Variants in ARFGAP2 observed in about 807,000 individuals in gnomAD.
ARFGAP2 encodes ADP-ribosylation factor GTPase-activating protein 2.
In ARFGAP2, 45 loss-of-function variants were observed where a neutral mutation model predicts 71.9. The ratio of observed to expected loss-of-function variants is 0.63; its 90% confidence interval spans 0.49 to 0.80. ARFGAP2 has a LOEUF of 0.80. Among genes scored for constraint, ARFGAP2 ranks in the 30% least tolerant of loss-of-function variants. The pLI, the probability that ARFGAP2 is intolerant of heterozygous loss-of-function variation, is 0.00. For synonymous variants in ARFGAP2, 248 were observed against 249.2 expected (o/e 1.00, Z 0.05); for missense variants, 633 against 673.9 (o/e 0.94, Z 0.67).
rs766851974 is a variant in ARFGAP2 at position 47,172,239 on chromosome 11, C to T, written c.672+42G>A. 1.9e-6 allele frequency: 3 copies of T among 1,602,230 alleles called. No individual in the cohort carries two copies. In the Admixed American group the frequency reaches 5.0e-5, roughly 27 times the overall value. Reference sequence around the variant, plus strand: ...AGGAGTGAACCCAGGTAGCCTGCACCCAGCTCCTAACCCCTCTACCATACC... The same window carrying T: ...AGGAGTGAACCCAGGTAGCCTGCACTCAGCTCCTAACCCCTCTACCATACC... On this transcript the variant is annotated intron_variant, in intron 8 of 15. Coordinates refer to ENST00000524782, the MANE Select transcript of ARFGAP2 (RefSeq NM_032389.6).
intron 15 of ARFGAP2, 89 bp from the exon 16 acceptor site, chr11:47,165,591 C>T: frequency 7.3e-7 from 1 of 1,376,154 alleles, no homozygotes; most frequent in East Asian, 2.5e-5. Context: ...TGCCCCAGCA[C>T]CCCACAGCAA....
In ARFGAP2 at chr11:47,168,236, G is replaced by A. The variant is rs1017793859; in HGVS notation, c.957C>T (p.Ser319=). ...CAATCACCTGCATCTCAGACAGCAC[G>A]GAGTGGGAGACAGAGCTGCGCAGCA... is the stretch of plus-strand genomic sequence containing the variant. ...GLVSRSSVSH[S]VLSEMQVIEQ... Residue 319 remains serine (S), a synonymous_variant, in exon 11 of 16, where the codon TCC becomes TCT. Coordinates refer to ENST00000524782, the MANE Select transcript of ARFGAP2 (RefSeq NM_032389.6). 3.1e-6 allele frequency: 5 copies of A among 1,614,182 alleles called. No individual in the cohort carries two copies. The highest frequency in any genetic ancestry group is 1.1e-5 in the South Asian group (1 of 91,068).
In ARFGAP2 at chr11:47,168,004, G is replaced by A; in HGVS notation, c.1110C>T (p.Gly370=). The change falls in exon 12 of 16, where the codon GGC becomes GGT. Residue 370 remains glycine, a synonymous_variant. Transcript: ENST00000524782. ...DNPFSLGESF[G]SRWDTDAAWG... ...AGGCAGCATCTGTATCCCAGCGGGA[G>A]CCAAAGCTTTCCCCTAAGGAAAAGG... 1.2e-6 allele frequency: 2 copies of A among 1,614,226 alleles called. No individual in the cohort carries two copies. Among genetic ancestry groups the A allele is most frequent in the South Asian group, 2.2e-5 (2 of 91,088 alleles).
intron 5 of ARFGAP2, 172 bp downstream of exon 5, chr11:47,174,843 A>G (rs900696981): frequency 1.4e-6 from 1 of 706,670 alleles, no homozygotes; most frequent in Non-Finnish European, 2.4e-6. Flanking sequence ...ACCTCCATTT[A>G]TGGAGGAGGA....
chr11:47,175,399 C>A, intron 3 of ARFGAP2, 86 bp from the exon 4 acceptor site: 1 of 1,589,082 alleles, frequency 6.3e-7, no homozygotes, highest in Non-Finnish European at 8.6e-7. Flanking sequence ...CTCCTTATGA[C>A]AGCGAAGTTA....
intron 10 of ARFGAP2, among the ~76,000 whole-genome samples, chr11:47,168,829 G>C (rs1333666383): frequency 6.6e-6 from 1 of 152,012 alleles, no homozygotes; most frequent in East Asian, 1.9e-4. Flanking sequence ...GGCTCGTGTT[G>C]TAATTTTAAT....
chr11:47,173,721 G>GGACC, intron 6 of ARFGAP2, 38 bp downstream of exon 6: 1 of 1,562,842 alleles, frequency 6.4e-7, no homozygotes, highest in East Asian at 2.4e-5. Context: ...TCCTCTCCTA[G>GGACC]GACCAGGGCA....
At chr11:47,172,238 C>T (rs773197720) in intron 8 of ARFGAP2, 43 bp downstream of exon 8, 20 of 1,601,072 alleles carry the variant, frequency 1.2e-5, no homozygotes, top group Non-Finnish European at 1.6e-5. Flanking sequence ...GTAGCCTGCA[C>T]CCAGCTCCTA....
Position 47,167,897 on chromosome 11 carries a change from A to T in ARFGAP2, c.1205+12T>A, listed in dbSNP as rs1278365012. 3 of 1,561,584 alleles carry T rather than the reference A, an allele frequency of 1.9e-6. No homozygotes were observed. The highest frequency in any genetic ancestry group is 2.8e-5 in the African/African-American group (2 of 71,688). ...AAAAAAGAAAGAAAAAAGAAAAAAC[A>T]GCCCACTCTACCTTTCTGAAATAGG... On this transcript the variant is annotated intron_variant, in intron 12 of 15. Transcript: ENST00000524782.
chr11:47,168,079 T>G, intron 11 of ARFGAP2, 36 bp from the exon 12 acceptor site: 2 of 1,614,146 alleles, frequency 1.2e-6, no homozygotes, highest in Non-Finnish European at 1.7e-6. Flanking sequence ...AGAAGCCTGA[T>G]GAGGAACACA....
rs1230389234 is a variant in ARFGAP2 at position 47,175,095 on chromosome 11, A to G, written c.400T>C (p.Trp134Arg). 6.2e-7 allele frequency: 1 copy of G among 1,614,056 alleles called. No individual in the cohort carries two copies. The highest frequency in any genetic ancestry group is 1.3e-5 in the African/African-American group (1 of 74,904). Residue 134 changes from tryptophan (W) to arginine (R), a missense_variant, in exon 5 of 16, where the codon TGG becomes CGG. Transcript: ENST00000524782. ...AALARHGTDL[W>R]IDNMSSAVPN... The stretch of plus-strand genomic sequence containing the variant: ...ACGGCACTACTCATGTTGTCTATCC[A>G]AAGCTAGAAAGGAGAAGACACCCCT...
At position 47,174,746 on chromosome 11, in the gene ARFGAP2, C is replaced by T. The variant is rs890182086; in HGVS notation, c.480+269G>A. ...ATCCAGGAAAATTTGTTTGGGGCACCGGACACCTCTTGAAACTTCAAGAAG... is the reference window on the plus strand; with the variant it reads ...ATCCAGGAAAATTTGTTTGGGGCACTGGACACCTCTTGAAACTTCAAGAAG... On this transcript the variant is annotated intron_variant, in intron 5 of 15. Transcript: ENST00000524782. 8 of 398,660 alleles carry T rather than the reference C, an allele frequency of 2.0e-5. No homozygotes were observed. In the East Asian group the frequency reaches 2.0e-4, roughly 10 times the overall value. The allele number at this position is 398,660 out of a possible 1,614,324, so 24.7% of individuals were successfully genotyped here. A position where few individuals can be genotyped will look rare whatever the true frequency, so the allele number is the denominator to read the frequency against.
intron 5 of ARFGAP2, 58 bp downstream of exon 5, chr11:47,174,957 G>T: frequency 6.4e-7 from 1 of 1,561,638 alleles, no homozygotes; most frequent in Non-Finnish European, 8.8e-7. Flanking sequence ...GAAGGCCTGG[G>T]CCTTGGTAAA....
intron 7 of ARFGAP2, 78 bp downstream of exon 7, chr11:47,173,348 G>T: frequency 6.7e-7 from 1 of 1,500,614 alleles, no homozygotes; most frequent in Non-Finnish European, 9.1e-7. Context: ...CACACGGCCA[G>T]GCAGTAGGAC....
At chr11:47,165,926 G>A (rs888128173) in intron 15 of ARFGAP2, among the ~76,000 whole-genome samples, 1 of 152,100 alleles carries the variant, frequency 6.6e-6, no homozygotes. Context: ...AGACTGGAGT[G>A]CAGTGGCATG....
chr11:47,173,555 G>A lies in ARFGAP2; in HGVS notation c.563-73C>T. The A allele has an allele frequency of 3.4e-6, 5 of 1,480,546 alleles. No individual in the cohort carries two copies. The Admixed American group carries it at 9.1e-5, about 27-fold the overall frequency. 91.7% of individuals were successfully genotyped at this position (1,480,546 alleles called of 1,614,324 possible). On this transcript the variant is annotated intron_variant, in intron 6 of 15. Coordinates refer to ENST00000524782, the MANE Select transcript of ARFGAP2 (RefSeq NM_032389.6). Reference sequence around the variant, plus strand: ...AACCTCCCCTTGAAAGAAGTGATGGGACAAGAATCGGTGGCTTTCCTCAGC... The same window carrying A: ...AACCTCCCCTTGAAAGAAGTGATGGAACAAGAATCGGTGGCTTTCCTCAGC...
chr11:47,172,036 C>T, intron 8 of ARFGAP2: 1 of 713,826 alleles, frequency 1.4e-6, no homozygotes, highest in Non-Finnish European at 2.3e-6. Context: ...CTGACAGGGC[C>T]AAGTATGTGC....
chr11:47,167,771 G>C, intron 12 of ARFGAP2, 138 bp downstream of exon 12: 4 of 1,120,120 alleles, frequency 3.6e-6, no homozygotes, highest in Non-Finnish European at 4.9e-6. Context: ...ACATAGTAGT[G>C]GCTACCATAT....
rs762235485 is a variant in ARFGAP2 at position 47,165,473 on chromosome 11, G to A, written c.*9C>T. 1 of 1,569,830 alleles carries A rather than the reference G, an allele frequency of 6.4e-7. No individual in the cohort carries two copies. Among genetic ancestry groups the A allele is most frequent in the African/African-American group, 1.4e-5 (1 of 72,092 alleles). On this transcript the variant is annotated 3_prime_UTR_variant, in exon 16 of 16. Transcript: ENST00000524782. ...GTCACCATCGTAAGCCTGAGTCACA[G>A]AGCTCGGATCAGTAGGAACCGTAGC...
Sources: allele counts gnomAD v4.1 joint callset (sites outside exome capture counted in the v4.1 genomes callset), GRCh38; gene constraint gnomAD v4.1.1; transcripts MANE v1.5; gene names NCBI Gene and HGNC (gene_info 2026-07-23, HGNC 2026-07-21).